LOC128462377: variants seen among roughly 807,000 people sequenced by gnomAD.
At chr16:89,411,210 C>T in the LOC128462377 span, among the ~76,000 whole-genome samples, 12 of 152,262 alleles carry the variant, frequency 7.9e-5, no homozygotes, top group Non-Finnish European at 1.8e-4. Flanking sequence ...CACCACATCC[C>T]CTCTCGTGTG....
the LOC128462377 span, among the ~76,000 whole-genome samples, chr16:89,402,825 G>T: frequency 7.0e-6 from 1 of 143,624 alleles, no homozygotes; most frequent in African/African-American, 2.6e-5. Flanking sequence ...GGTTGGGGGG[G>T]CGGCACTGCG....
At chr16:89,341,436 T>C in the LOC128462377 span, among the ~76,000 whole-genome samples, 1 of 152,218 alleles carries the variant, frequency 6.6e-6, no homozygotes, top group South Asian at 2.1e-4. Flanking sequence ...ACCAAGCAGC[T>C]TCCCAGCCTT....
At chr16:89,319,071 C>A in the LOC128462377 span, among the ~76,000 whole-genome samples, 2 of 152,224 alleles carry the variant, frequency 1.3e-5, no homozygotes, top group Non-Finnish European at 2.9e-5. Context: ...TAAGGATTAT[C>A]TGGAATTAAC....
chr16:89,370,243 G>A, the LOC128462377 span, among the ~76,000 whole-genome samples: 3 of 152,312 alleles, frequency 2.0e-5, 1 homozygote, highest in Non-Finnish European at 1.5e-5. Flanking sequence ...CATGTCCAGG[G>A]GTGGCCAGCC....
chr16:89,408,826 A>T, the LOC128462377 span, among the ~76,000 whole-genome samples: 1 of 152,232 alleles, frequency 6.6e-6, no homozygotes, highest in Non-Finnish European at 1.5e-5. Context: ...AAAATAAGGA[A>T]AATGCAATTT....
the LOC128462377 span, among the ~76,000 whole-genome samples, chr16:89,346,547 C>A: frequency 6.6e-6 from 1 of 152,220 alleles, no homozygotes; most frequent in Non-Finnish European, 1.5e-5. Context: ...CTGTGAGAGT[C>A]ACCTTCTGAA....
the LOC128462377 span, among the ~76,000 whole-genome samples, chr16:89,343,228 A>T: frequency 8.5e-4 from 129 of 152,148 alleles, 1 homozygote; most frequent in Non-Finnish European, 1.1e-3. Flanking sequence ...TGACCTCAAG[A>T]GTGATCCACC....
chr16:89,415,823 C>G, the LOC128462377 span, among the ~76,000 whole-genome samples: 1 of 40,758 alleles, frequency 2.5e-5, no homozygotes, highest in East Asian at 1.0e-3. Flanking sequence ...AAGCTAGACT[C>G]TGTCTCAAAA....
the LOC128462377 span, among the ~76,000 whole-genome samples, chr16:89,361,882 G>A: frequency 2.0e-5 from 3 of 152,168 alleles, no homozygotes; most frequent in African/African-American, 7.2e-5. Flanking sequence ...CTTCAAAACA[G>A]CATGCCTGTC....
the LOC128462377 span, among the ~76,000 whole-genome samples, chr16:89,362,545 G>A: frequency 6.6e-6 from 1 of 152,256 alleles, no homozygotes; most frequent in Non-Finnish European, 1.5e-5. Flanking sequence ...CATCTCAGCT[G>A]TGTAAAAAGT....
At chr16:89,372,880 C>T in the LOC128462377 span, 8 of 152,204 alleles carry the variant, frequency 5.3e-5, no homozygotes, top group Non-Finnish European at 8.8e-5. Context: ...CAGTGGTCCC[C>T]GTTTACGGAC....
chr16:89,317,452 C>T, the LOC128462377 span, among the ~76,000 whole-genome samples: 1 of 152,214 alleles, frequency 6.6e-6, no homozygotes, highest in African/African-American at 2.4e-5. Flanking sequence ...GTCCCTTCCC[C>T]GCATTACAGG....
the LOC128462377 span, among the ~76,000 whole-genome samples, chr16:89,361,972 G>A: frequency 2.8e-4 from 43 of 152,346 alleles, no homozygotes; most frequent in South Asian, 8.5e-3. Context: ...TGGGCGGCCA[G>A]GGGCTTGTGA....
At chr16:89,336,781 G>T in the LOC128462377 span, among the ~76,000 whole-genome samples, 1 of 152,116 alleles carries the variant, frequency 6.6e-6, no homozygotes, top group African/African-American at 2.4e-5. Flanking sequence ...TGATAAAAGG[G>T]TTTCAATACA....
the LOC128462377 span, among the ~76,000 whole-genome samples, chr16:89,415,920 G>C: frequency 6.7e-6 from 1 of 150,236 alleles, no homozygotes; most frequent in Non-Finnish European, 1.5e-5. Flanking sequence ...CGGCGCCTCT[G>C]GTCACACTGC....
chr16:89,321,397 CGGGACTGTGGGGAG>C, the LOC128462377 span, among the ~76,000 whole-genome samples: 2 of 92,492 alleles, frequency 2.2e-5, no homozygotes, highest in Non-Finnish European at 4.2e-5. Context: ...GGCTGCAGGG[CGGGACTGTGGGGAG>C]GGGACTGTGG....
chr16:89,363,161 T>C, the LOC128462377 span, among the ~76,000 whole-genome samples: 1 of 152,194 alleles, frequency 6.6e-6, no homozygotes, highest in Admixed American at 6.5e-5. Flanking sequence ...GGAACACGCC[T>C]ATCCCTGTTA....
the LOC128462377 span, among the ~76,000 whole-genome samples, chr16:89,338,078 A>G: frequency 6.6e-6 from 1 of 152,298 alleles, no homozygotes; most frequent in African/African-American, 2.4e-5. Flanking sequence ...TCTGCCACTC[A>G]GGAGCCCCAG....
chr16:89,349,792 C>T, the LOC128462377 span, among the ~76,000 whole-genome samples: 1 of 150,604 alleles, frequency 6.6e-6, no homozygotes, highest in Admixed American at 6.6e-5. Flanking sequence ...TGGACTTCAT[C>T]AAACTAAAAA....
Sources: allele counts gnomAD v4.1 joint callset (sites outside exome capture counted in the v4.1 genomes callset), GRCh38; gene constraint gnomAD v4.1.1; transcripts MANE v1.5.